Variants in OR4F16 observed in about 807,000 individuals in gnomAD.
OR4F16 encodes olfactory receptor 4F3/4F16/4F29.
upstream of OR4F16, among the ~76,000 whole-genome samples, chr1:690,030 C>T (rs1485243236): frequency 2.3e-5 from 3 of 131,462 alleles, no homozygotes; most frequent in South Asian, 5.4e-4. Context: ...TCTGGGGATG[C>T]TACGGACTGT....
chr1:676,782 C>T, the OR4F16 span, among the ~76,000 whole-genome samples: 2 of 121,378 alleles, frequency 1.6e-5, no homozygotes, highest in East Asian at 4.4e-4. Context: ...GTGGGCACAG[C>T]TTCAGCAGAC....
chr1:709,969 TGAA>T, the OR4F16 span, among the ~76,000 whole-genome samples: 219 of 148,086 alleles, frequency 1.5e-3, 1 homozygote, highest in African/African-American at 4.7e-3. Context: ...ACTAAGAAGC[TGAA>T]GAAGAATATA....
At chr1:715,749 T>C in the OR4F16 span, among the ~76,000 whole-genome samples, 1 of 137,830 alleles carries the variant, frequency 7.3e-6, no homozygotes, top group African/African-American at 2.8e-5. Flanking sequence ...GAAGAATAGC[T>C]TGAGTCTGGG....
chr1:717,484 AAGTGTT>A, the OR4F16 span, among the ~76,000 whole-genome samples: 1 of 104,234 alleles, frequency 9.6e-6, no homozygotes, highest in Non-Finnish European at 2.0e-5. Context: ...GACATTCAGG[AAGTGTT>A]AAGTCCTTCA....
At chr1:714,052 T>C in the OR4F16 span, among the ~76,000 whole-genome samples, 1 of 145,808 alleles carries the variant, frequency 6.9e-6, no homozygotes, top group East Asian at 2.1e-4. Context: ...CATGTATATA[T>C]ATATATGTGT....
the OR4F16 span, among the ~76,000 whole-genome samples, chr1:697,074 C>A: frequency 1.6e-5 from 1 of 63,474 alleles, no homozygotes; most frequent in Non-Finnish European, 2.4e-5. Flanking sequence ...GTGCTGAATG[C>A]CAGTAAGATA....
the OR4F16 span, among the ~76,000 whole-genome samples, chr1:713,486 T>C: frequency 7.2e-6 from 1 of 139,368 alleles, no homozygotes; most frequent in Non-Finnish European, 1.5e-5. Flanking sequence ...TTCTTTTGTT[T>C]ATATAGTCAA....
the OR4F16 span, among the ~76,000 whole-genome samples, chr1:713,467 AATTT>A: frequency 2.2e-5 from 3 of 135,190 alleles, no homozygotes; most frequent in Non-Finnish European, 4.5e-5. Context: ...TTACACTATT[AATTT>A]GTCATTCTTT....
chr1:710,470 TAAAC>T, the OR4F16 span, among the ~76,000 whole-genome samples: 1 of 12,304 alleles, frequency 8.1e-5, no homozygotes, highest in Non-Finnish European at 2.4e-4. Context: ...TATAAAATAC[TAAAC>T]AAAGTACACC....
upstream of OR4F16, among the ~76,000 whole-genome samples, chr1:691,396 G>GCC (rs770009340): frequency 8.8e-5 from 13 of 147,752 alleles, no homozygotes; most frequent in African/African-American, 1.3e-4. Context: ...ATTTCCCAGT[G>GCC]CCCCCCCCAA....
the OR4F16 span, chr1:702,335 A>T: frequency 6.7e-6 from 1 of 149,748 alleles, no homozygotes; most frequent in African/African-American, 2.5e-5. Flanking sequence ...CAACAAGAGC[A>T]AGACTCTGTC....
the OR4F16 span, among the ~76,000 whole-genome samples, chr1:715,735 G>C: frequency 7.6e-6 from 1 of 131,738 alleles, no homozygotes; most frequent in Non-Finnish European, 1.6e-5. Context: ...GGGAGGCTGA[G>C]GTGGAAGAAT....
chr1:682,379 CA>C (rs1291052333), downstream of OR4F16, among the ~76,000 whole-genome samples: 20 of 82,238 alleles, frequency 2.4e-4, no homozygotes, highest in South Asian at 1.7e-3. Context: ...CAAGTTTTAC[CA>C]AAATGAATCC....
upstream of OR4F16, among the ~76,000 whole-genome samples, chr1:691,130 T>C (rs2777649): frequency 1.0e-2 from 1,459 of 145,924 alleles, 1 homozygote; most frequent in African/African-American, 0.039. Flanking sequence ...ACCTCCCTTG[T>C]TTGCTTGCTC....
upstream of OR4F16, among the ~76,000 whole-genome samples, chr1:690,018 C>T (rs1311105668): frequency 7.6e-6 from 1 of 130,970 alleles, no homozygotes; most frequent in Non-Finnish European, 1.5e-5. Flanking sequence ...TTAATACACT[C>T]ATCTGGGGAT....
At chr1:701,393 G>C in the OR4F16 span, among the ~76,000 whole-genome samples, 2 of 149,680 alleles carry the variant, frequency 1.3e-5, no homozygotes, top group African/African-American at 2.5e-5. Context: ...TCTGGCTGGG[G>C]AGATTTTTGG....
At chr1:702,479 AATT>A in the OR4F16 span, 27 of 130,990 alleles carry the variant, frequency 2.1e-4, no homozygotes, top group African/African-American at 4.3e-4. Flanking sequence ...GTATTTGAAA[AATT>A]ATTGATTCAT....
the OR4F16 span, among the ~76,000 whole-genome samples, chr1:701,752 G>A: frequency 6.7e-6 from 1 of 149,924 alleles, no homozygotes; most frequent in Non-Finnish European, 1.5e-5. Context: ...GAATAAAACA[G>A]ACACTGGGGT....
upstream of OR4F16, among the ~76,000 whole-genome samples, chr1:690,091 T>C (rs1250044077): frequency 8.4e-6 from 1 of 119,698 alleles, no homozygotes; most frequent in African/African-American, 3.5e-5. Context: ...GCTTCTATTA[T>C]CGCCCTGTTG....
Sources: allele counts gnomAD v4.1 joint callset (sites outside exome capture counted in the v4.1 genomes callset), GRCh38; gene constraint gnomAD v4.1.1; transcripts MANE v1.5; gene names NCBI Gene and HGNC (gene_info 2026-07-23, HGNC 2026-07-21).